The following COPG2 variants were observed in gnomAD, a reference collection of about 807,000 sequenced individuals.
The protein encoded by COPG2 is coat protein complex I subunit gamma 2.
A neutral mutation model predicts 46.3 loss-of-function variants in COPG2; 37 were observed. That is an observed-to-expected ratio of 0.80 (90% CI 0.61 to 1.05). The LOEUF is 1.05. Among genes scored for constraint, COPG2 ranks in the 50% least tolerant of loss-of-function variants. The probability of loss-of-function intolerance (pLI) is 0.00; values close to 1 mark genes in which losing one functional copy is unlikely to be tolerated. For missense variants in COPG2, 427 were observed against 387.8 expected (o/e 1.10, Z -0.85); for synonymous variants, 159 against 129.7 (o/e 1.23, Z -1.53).
intron 7 of COPG2, 91 bp downstream of exon 7, chr7:130,613,453 T>C (rs894493683): frequency 1.2e-6 from 1 of 812,218 alleles, no homozygotes. Context: ...TTTTTAACTG[T>C]TTCATTTGTG....
intron 9 of COPG2, among the ~76,000 whole-genome samples, chr7:130,610,312 G>A (rs1280069410): frequency 6.6e-6 from 1 of 152,186 alleles, no homozygotes; most frequent in African/African-American, 2.4e-5. Context: ...AACAGATCAG[G>A]TTTCCCCTTT....
chr7:130,522,274 G>T (rs1468918478), intron 20 of COPG2, among the ~76,000 whole-genome samples: 2 of 152,124 alleles, frequency 1.3e-5, no homozygotes, highest in African/African-American at 4.8e-5. Context: ...GAAAAGATAG[G>T]AAAGATGCAT....
At chr7:130,597,859 TGAG>T (rs1200107292) in intron 9 of COPG2, among the ~76,000 whole-genome samples, 5 of 152,088 alleles carry the variant, frequency 3.3e-5, no homozygotes, top group Non-Finnish European at 5.9e-5. Flanking sequence ...AGGAGGAACA[TGAG>T]GAGGAAAGTG....
intron 9 of COPG2, among the ~76,000 whole-genome samples, chr7:130,604,232 TGTTTGGTTATTTATAA>T (rs1794688603): frequency 6.6e-6 from 1 of 152,234 alleles, no homozygotes; most frequent in Non-Finnish European, 1.5e-5. Flanking sequence ...TAGGCATTTC[TGTTTGGTTATTTATAA>T]GAAGCCAATT....
intron 9 of COPG2, among the ~76,000 whole-genome samples, chr7:130,600,346 C>T (rs975091612): frequency 1.8e-4 from 28 of 152,110 alleles, no homozygotes; most frequent in African/African-American, 6.0e-4. Flanking sequence ...CCGCAACCTC[C>T]GCCTCCTGGG....
At chr7:130,643,068 G>A (rs555289354) in intron 5 of COPG2, among the ~76,000 whole-genome samples, 126 of 151,660 alleles carry the variant, frequency 8.3e-4, no homozygotes, top group South Asian at 3.1e-3. Flanking sequence ...AGGCCGAGGC[G>A]GGCGGATCAT....
At chr7:130,625,519 A>G (rs1038779497) in intron 5 of COPG2, among the ~76,000 whole-genome samples, 12 of 151,434 alleles carry the variant, frequency 7.9e-5, no homozygotes, top group Admixed American at 5.3e-4. Context: ...TAAAAAAAAA[A>G]GGGGGTCATT....
At position 130,549,340 on chromosome 7, in the gene COPG2, G is replaced by C. The variant is rs1373559747; in HGVS notation, c.1811C>G (p.Ala604Gly). 5.0e-6 allele frequency: 2 copies of C among 398,590 alleles called. No individual in the cohort carries two copies. Among genetic ancestry groups the C allele is most frequent in the Non-Finnish European group, 8.8e-6 (2 of 226,042 alleles). 24.7% of individuals were successfully genotyped at this position (398,590 alleles called of 1,614,324 possible). A position where few individuals can be genotyped will look rare whatever the true frequency, so the allele number is the denominator to read the frequency against. ...TLVATKPEKL[A>G]PSRQDIFQEQ... ...TTGGAAAATGTCTTGCCTGGAAGGA[G>C]CCAACTTCTCTGGCTTAGTAGCCAC... The change falls in exon 18 of 24, where the codon GCT becomes GGT. Residue 604 changes from alanine to glycine, a missense_variant. Physicochemically the swap from Ala to Gly is moderately conservative, Grantham distance 60. Coordinates refer to ENST00000425248, the MANE Select transcript of COPG2 (RefSeq NM_012133.6).
chr7:130,660,553 G>GT (rs1382397275), intron 4 of COPG2, among the ~76,000 whole-genome samples: 3 of 152,086 alleles, frequency 2.0e-5, no homozygotes, highest in African/African-American at 7.2e-5. Flanking sequence ...ACCATTGCTG[G>GT]TTGTCCATTA....
intron 9 of COPG2, among the ~76,000 whole-genome samples, chr7:130,596,512 T>A (rs956894391): frequency 6.6e-6 from 1 of 152,160 alleles, no homozygotes; most frequent in African/African-American, 2.4e-5. Flanking sequence ...TCCACACTCA[T>A]CCTACTCAAC....
At chr7:130,579,468 A>T (rs1794087736) in intron 9 of COPG2, among the ~76,000 whole-genome samples, 1 of 150,836 alleles carries the variant, frequency 6.6e-6, no homozygotes, top group Non-Finnish European at 1.5e-5. Context: ...AGCTAACATC[A>T]TAATGACAGG....
chr7:130,594,433 C>T (rs1392606995), intron 9 of COPG2, among the ~76,000 whole-genome samples: 6 of 152,136 alleles, frequency 3.9e-5, no homozygotes, highest in Admixed American at 3.9e-4. Flanking sequence ...AGGTGTAAAT[C>T]TTTGTGACCT....
chr7:130,619,339 AAG>A (rs1249726512), intron 5 of COPG2, among the ~76,000 whole-genome samples: 1 of 152,200 alleles, frequency 6.6e-6, no homozygotes, highest in African/African-American at 2.4e-5. Flanking sequence ...ATACAGATGT[AAG>A]AGTGTCTTTT....
chr7:130,615,479 A>T (rs1343149203), intron 6 of COPG2, among the ~76,000 whole-genome samples: 2 of 152,208 alleles, frequency 1.3e-5, no homozygotes, highest in African/African-American at 4.8e-5. Context: ...TAAGATTCTG[A>T]TAGGCCACCC....
At chr7:130,508,897 G>T (rs1799548467) in intron 20 of COPG2, 1 of 553,952 alleles carries the variant, frequency 1.8e-6, no homozygotes, top group Admixed American at 3.0e-5. Flanking sequence ...TGATAACATG[G>T]GCAGACTGTT....
chr7:130,614,968 A>G (rs547182874), intron 6 of COPG2, among the ~76,000 whole-genome samples: 149 of 152,312 alleles, frequency 9.8e-4, no homozygotes, highest in African/African-American at 3.2e-3. Context: ...CCAAACTCCA[A>G]TGTCCCTGAC....
chr7:130,609,254 A>C (rs1016575944), intron 9 of COPG2, among the ~76,000 whole-genome samples: 1 of 152,190 alleles, frequency 6.6e-6, no homozygotes, highest in Non-Finnish European at 1.5e-5. Flanking sequence ...CTCATCTTGA[A>C]TTTCCATGTG....
rs1445621676 is a variant in COPG2, at chr7:130,506,558, A to G, written c.*118T>C. On this transcript the variant is annotated 3_prime_UTR_variant, in exon 24 of 24. Coordinates refer to ENST00000425248, the MANE Select transcript of COPG2 (RefSeq NM_012133.6). Reference sequence around the variant, plus strand: ...TCTGCTGGCTCAGGGCCAAATGTTTAATTTGCTTCTCCAAAGTCATTCATC... The same window carrying G: ...TCTGCTGGCTCAGGGCCAAATGTTTGATTTGCTTCTCCAAAGTCATTCATC... 2.0e-6 allele frequency: 1 copy of G among 504,748 alleles called. No individual in the cohort carries two copies. The highest frequency in any genetic ancestry group is 3.5e-6 in the Non-Finnish European group (1 of 283,192). 31.3% of individuals were successfully genotyped at this position (504,748 alleles called of 1,614,324 possible). A position where few individuals can be genotyped will look rare whatever the true frequency, so the allele number is the denominator to read the frequency against.
intron 4 of COPG2, among the ~76,000 whole-genome samples, chr7:130,658,456 T>C (rs1795900073): frequency 1.3e-5 from 2 of 152,118 alleles, no homozygotes; most frequent in Non-Finnish European, 2.9e-5. Flanking sequence ...AAACCTCAAT[T>C]GTGGTGGTGA....
Sources: gnomAD v4.1 joint callset for allele counts (sites outside exome capture counted in the v4.1 genomes callset) on GRCh38, gnomAD v4.1.1 for gene constraint, MANE v1.5 for transcripts, NCBI Gene and HGNC (gene_info 2026-07-23, HGNC 2026-07-21) for gene names.